EVA1A: variants seen among roughly 807,000 people sequenced by gnomAD.
EVA1A encodes protein eva-1 homolog A.
Under a neutral mutation model 9.8 loss-of-function variants are expected in EVA1A, and 7 were observed. The ratio of observed to expected loss-of-function variants is 0.71; its 90% CI spans 0.41 to 1.34. EVA1A has a LOEUF of 1.34. Among genes scored for constraint, EVA1A ranks in the 40% most tolerant of loss-of-function variants. EVA1A has a pLI of 0.01. For synonymous variants in EVA1A, 90 were observed against 85.6 expected (o/e 1.05, Z -0.28); for missense variants, 206 against 205.9 (o/e 1.00, Z 0.00).
upstream of EVA1A, among the ~76,000 whole-genome samples, chr2:75,565,232 C>G (rs1489723243): frequency 6.6e-6 from 1 of 152,230 alleles, no homozygotes; most frequent in Non-Finnish European, 1.5e-5. Flanking sequence ...AAATCACAAG[C>G]TGGGCTCCAG....
intron 3 of EVA1A, among the ~76,000 whole-genome samples, chr2:75,496,856 CA>C (rs1272995316): frequency 6.6e-6 from 1 of 152,154 alleles, no homozygotes; most frequent in Non-Finnish European, 1.5e-5. Flanking sequence ...ACCAATGGAA[CA>C]GGATAAAGAA....
chr2:75,551,792 C>T (rs769830902), intron 1 of EVA1A, among the ~76,000 whole-genome samples: 7 of 152,212 alleles, frequency 4.6e-5, no homozygotes, highest in Non-Finnish European at 1.0e-4. Flanking sequence ...ACAGTACACA[C>T]TCAATAAACA....
chr2:75,540,626 A>C (rs548682078), intron 1 of EVA1A: 1 of 152,338 alleles, frequency 6.6e-6, no homozygotes, highest in South Asian at 2.1e-4. Flanking sequence ...GCATGGTTTT[A>C]ATTATGTGAA....
chr2:75,506,881 C>T (rs925550288), intron 3 of EVA1A, among the ~76,000 whole-genome samples: 3 of 152,120 alleles, frequency 2.0e-5, no homozygotes, highest in Non-Finnish European at 2.9e-5. Context: ...ACTCCATAGC[C>T]GTTTACCAAG....
At chr2:75,555,330 TCTCTCTCC>T (rs1463394791) in intron 1 of EVA1A, among the ~76,000 whole-genome samples, 2 of 149,034 alleles carry the variant, frequency 1.3e-5, no homozygotes, top group African/African-American at 4.9e-5. Context: ...TCTCTCTCTC[TCTCTCTCC>T]CCCATCTCCC....
At chr2:75,562,929 G>A (rs191839485), upstream of EVA1A, among the ~76,000 whole-genome samples, 64 of 152,346 alleles carry the variant, frequency 4.2e-4, no homozygotes, top group East Asian at 0.012. Context: ...GGGCACAGGT[G>A]CCAATAGGTG....
At chr2:75,547,522 C>A (rs1325426608) in intron 1 of EVA1A, among the ~76,000 whole-genome samples, 3 of 152,198 alleles carry the variant, frequency 2.0e-5, no homozygotes, top group Non-Finnish European at 4.4e-5. Context: ...GGTGACCTCC[C>A]AGATGTGCGC....
intron 1 of EVA1A, among the ~76,000 whole-genome samples, chr2:75,548,353 C>T (rs766129089): frequency 1.3e-5 from 2 of 152,036 alleles, no homozygotes; most frequent in Non-Finnish European, 2.9e-5. Context: ...CTGGCTGGTG[C>T]TGAACTCCTG....
At chr2:75,563,161 C>T (rs1676958419), upstream of EVA1A, among the ~76,000 whole-genome samples, 1 of 152,200 alleles carries the variant, frequency 6.6e-6, no homozygotes, top group Non-Finnish European at 1.5e-5. Flanking sequence ...GAAGCAGATA[C>T]TGTTGAACCC....
In EVA1A at chr2:75,517,858, T is replaced by C. The variant is rs751125875; in HGVS notation, c.85+198A>G. On this transcript the variant is annotated intron_variant, in intron 3 of 3. Transcript: ENST00000393913. The stretch of plus-strand genomic sequence containing the variant: ...TGCAAGACAAAGCTCTTAGAACCCT[T>C]CATTTTTCAAATTAGAGAATGACAA... 8 of 749,032 alleles carry C rather than the reference T, an allele frequency of 1.1e-5. No homozygotes were observed. The Middle Eastern group carries it at 1.8e-3, about 168-fold the overall frequency. 46.4% of individuals were successfully genotyped at this position (749,032 alleles called of 1,614,324 possible). A position where few individuals can be genotyped will look rare whatever the true frequency, so the allele number is the denominator to read the frequency against.
intron 1 of EVA1A, among the ~76,000 whole-genome samples, chr2:75,535,981 T>C (rs892734836): frequency 6.6e-5 from 10 of 152,176 alleles, no homozygotes; most frequent in Non-Finnish European, 2.9e-5. Flanking sequence ...TATAAGAAAC[T>C]ATAAAAGTCC....
rs879795002 is a variant in EVA1A, at chr2:75,520,553, G to C, written c.-69+1812C>G. Among the ~76,000 whole-genome samples, 13 of 152,074 alleles carry C rather than the reference G, an allele frequency of 8.5e-5. 1 individual carries two copies. The highest frequency in any genetic ancestry group is 1.8e-4 in the Non-Finnish European group (12 of 68,016). On this transcript the variant is annotated intron_variant, in intron 2 of 3. Coordinates refer to ENST00000393913, the MANE Select transcript of EVA1A (RefSeq NM_001135032.2). ...AAAATAAACCCTTACATATATATAT[G>C]TTCAAATTATTTTTGCAAGGGTGCC... is the stretch of plus-strand genomic sequence containing the variant.
chr2:75,544,128 A>T (rs1470943651), intron 1 of EVA1A, among the ~76,000 whole-genome samples: 3 of 152,202 alleles, frequency 2.0e-5, no homozygotes, highest in Non-Finnish European at 4.4e-5. Flanking sequence ...GTTTGAACAC[A>T]TGTAGATGTG....
rs58092436 is a variant in EVA1A at position 75,555,301 on chromosome 2, ATCTCTC to A, written c.-192+5373_-192+5378del. Among the ~76,000 whole-genome samples, 118 of 57,206 alleles carry A rather than the reference ATCTCTC, an allele frequency of 2.1e-3. 2 individuals are homozygous for A. The highest frequency in any genetic ancestry group is 5.6e-3 in the African/African-American group (105 of 18,714). The allele number at this position is 57,206 out of a possible 152,430, so 37.5% of individuals were successfully genotyped here. A position where few individuals can be genotyped will look rare whatever the true frequency, so the allele number is the denominator to read the frequency against. Reference sequence around the variant, plus strand: ...AAACAGACTTTAGCATCAAAACTCAATCTCTCTCTCTCTCTCTCTCTCTCTCTCTCT... The same window carrying A: ...AAACAGACTTTAGCATCAAAACTCAATCTCTCTCTCTCTCTCTCTCTCTCT... On this transcript the variant is annotated intron_variant, in intron 1 of 3. Transcript: ENST00000393913.
rs1304365927 is a variant in EVA1A, at chr2:75,533,956, C to T, written c.-191-11469G>A. Reference sequence around the variant, plus strand: ...CCTCCCGAGTAGCTGGGACTACAGGCGCCCGCCACCACGCCCGGCTAATTT... The same window carrying T: ...CCTCCCGAGTAGCTGGGACTACAGGTGCCCGCCACCACGCCCGGCTAATTT... On this transcript the variant is annotated intron_variant, in intron 1 of 3. Transcript: ENST00000393913. 4.6e-5 allele frequency among the ~76,000 whole-genome samples: 7 copies of T among 151,836 alleles called. No homozygotes were observed. In the East Asian group the frequency reaches 5.8e-4, roughly 13 times the overall value.
intron 3 of EVA1A, among the ~76,000 whole-genome samples, chr2:75,501,449 A>G (rs915050616): frequency 3.9e-5 from 6 of 152,214 alleles, no homozygotes; most frequent in African/African-American, 1.4e-4. Context: ...TCCCCTTAGG[A>G]AAAGAAGAAT....
chr2:75,494,603 A>G (rs1674142569), intron 3 of EVA1A, among the ~76,000 whole-genome samples: 1 of 152,186 alleles, frequency 6.6e-6, no homozygotes, highest in African/African-American at 2.4e-5. Context: ...CATGTGAATG[A>G]GCTTGGTTGT....
At chr2:75,555,304 T>TCTCTCTCTCTCTCTCTCTCC (rs1676667562) in intron 1 of EVA1A, among the ~76,000 whole-genome samples, 1 of 119,860 alleles carries the variant, frequency 8.3e-6, no homozygotes, top group Non-Finnish European at 1.9e-5. Context: ...AAACTCAATC[T>TCTCTCTCTCTCTCTCTCTCC]CTCTCTCTCT....
chr2:75,509,899 A>G (rs1204452059), intron 3 of EVA1A, among the ~76,000 whole-genome samples: 1 of 152,158 alleles, frequency 6.6e-6, no homozygotes, highest in Admixed American at 6.6e-5. Context: ...CATTTTATCT[A>G]AAAAATAATC....
Sources: gnomAD v4.1 joint callset for allele counts (sites outside exome capture counted in the v4.1 genomes callset) on GRCh38, gnomAD v4.1.1 for gene constraint, MANE v1.5 for transcripts, NCBI Gene and HGNC (gene_info 2026-07-23, HGNC 2026-07-21) for gene names.